MFSD11: variants seen among roughly 807,000 people sequenced by gnomAD.
MFSD11 encodes major facilitator superfamily domain containing 11, also known as UNC93-like protein MFSD11.
In MFSD11, 36 loss-of-function variants were observed where a neutral mutation model predicts 53.5. The observed-to-expected ratio is 0.67, with a 90% CI of 0.52 to 0.89. The LOEUF (loss-of-function observed/expected upper bound fraction) is 0.89, where lower values mean the gene tolerates loss of function less well. Among genes scored for constraint, MFSD11 ranks in the 40% least tolerant of loss-of-function variants. MFSD11 has a pLI of 0.00. For synonymous variants in MFSD11, 186 were observed against 184.9 expected (o/e 1.01, Z -0.05); for missense variants, 530 against 543.9 (o/e 0.97, Z 0.25).
the MFSD11 span, among the ~76,000 whole-genome samples, chr17:76,802,591 A>C: frequency 6.6e-6 from 1 of 152,320 alleles, no homozygotes; most frequent in African/African-American, 2.4e-5. Context: ...TTATCCGTAC[A>C]GTGGAGGGCT....
Position 76,744,453 on chromosome 17 carries a change from A to T in MFSD11, c.628A>T (p.Met210Leu). 1.2e-6 allele frequency: 2 copies of T among 1,608,902 alleles called. No individual in the cohort carries two copies. The highest frequency in any genetic ancestry group is 1.7e-6 in the Non-Finnish European group (2 of 1,178,684). ...GEDESSDDQDMEVNESAQNNL... is the reference protein window; with the variant it reads ...GEDESSDDQDLEVNESAQNNL... ...AGATGAGTCTTCTGATGACCAGGAC[A>T]TGGAAGTCAACGAGTAAGATGTTGG... The change falls in exon 7 of 13, where the codon ATG becomes TTG. Residue 210 changes from methionine to leucine, a missense_variant. Coordinates refer to ENST00000685175, the MANE Select transcript of MFSD11 (RefSeq NM_001242532.5).
At chr17:76,801,113 C>T in the MFSD11 span, among the ~76,000 whole-genome samples, 27 of 151,320 alleles carry the variant, frequency 1.8e-4, no homozygotes, top group Admixed American at 3.9e-4. Flanking sequence ...CTACTCCAGC[C>T]GGGTGTGGTG....
At chr17:76,737,095 G>A (rs2077541354), upstream of MFSD11, 1 of 1,611,520 alleles carries the variant, frequency 6.2e-7, no homozygotes, top group African/African-American at 1.3e-5. Context: ...AGGTGCGGTA[G>A]GTCAGGTTGT....
chr17:76,773,661 G>A (rs369164957), intron 10 of MFSD11, among the ~76,000 whole-genome samples: 1 of 152,128 alleles, frequency 6.6e-6, no homozygotes, highest in African/African-American at 2.4e-5. Context: ...CAGGCGGAGT[G>A]CAGTGGCGCA....
intron 8 of MFSD11, among the ~76,000 whole-genome samples, chr17:76,763,870 GT>G (rs574436628): frequency 4.2e-5 from 6 of 144,218 alleles, no homozygotes; most frequent in East Asian, 2.0e-4. Flanking sequence ...TTTTGTTTTT[GT>G]TTTTTTTTTG....
chr17:76,770,070 C>A (rs1204939240), intron 10 of MFSD11, among the ~76,000 whole-genome samples, 199 bp downstream of exon 10: 1 of 139,446 alleles, frequency 7.2e-6, no homozygotes, highest in Non-Finnish European at 1.5e-5. Flanking sequence ...CTCGCTCTGT[C>A]GCCGAGGCTA....
chr17:76,738,431 AC>A lies in MFSD11; in HGVS notation c.80del (p.Thr27IlefsTer13). On this transcript the variant is annotated frameshift_variant, in exon 1 of 13. Coordinates refer to ENST00000685175, the MANE Select transcript of MFSD11 (RefSeq NM_001242532.5). LOFTEE classifies it high-confidence loss of function. Reference protein sequence around the residue: ...AFMFMFTAFQTCGNVAQTVIR... With the variant: ...AFMFMFTAFQXCGNVAQTVIR... ...TATGTTTATGTTCACTGCCTTTCAAACTTGTGGAAATGTGGCGGTGAGTTGG... is the reference window on the plus strand; with the variant it reads ...TATGTTTATGTTCACTGCCTTTCAAATTGTGGAAATGTGGCGGTGAGTTGG... 1 of 1,613,716 alleles carries A rather than the reference AC, an allele frequency of 6.2e-7. No individual in the cohort carries two copies. The highest frequency in any genetic ancestry group is 8.5e-7 in the Non-Finnish European group (1 of 1,179,630).
At chr17:76,796,811 CAAAA>C in the MFSD11 span, among the ~76,000 whole-genome samples, 9 of 114,308 alleles carry the variant, frequency 7.9e-5, no homozygotes, top group African/African-American at 3.0e-4. Flanking sequence ...CTAAAAATAC[CAAAA>C]AAAAAAAAAA....
At position 76,778,176 on chromosome 17, in the gene MFSD11, G is replaced by A. The variant is rs116489973; in HGVS notation, c.1186-12G>A. On this transcript the variant is annotated splice_polypyrimidine_tract_variant and intron_variant, in intron 12 of 12. Coordinates refer to ENST00000685175, the MANE Select transcript of MFSD11 (RefSeq NM_001242532.5). ...CGGTGCGCCCGTTGTGATTTGTTTTGTTTGTTCTTAGTCTATTTGCGCAGC... is the reference window on the plus strand; with the variant it reads ...CGGTGCGCCCGTTGTGATTTGTTTTATTTGTTCTTAGTCTATTTGCGCAGC... 1,151 of 1,613,986 alleles carry A rather than the reference G, an allele frequency of 7.1e-4. 5 individuals are homozygous for A. The African/African-American group carries it at 0.014, about 20-fold the overall frequency.
the MFSD11 span, among the ~76,000 whole-genome samples, chr17:76,794,471 C>T: frequency 2.1e-3 from 133 of 64,226 alleles, 1 homozygote; most frequent in South Asian, 0.025. Context: ...AGCGAGACTC[C>T]GTCTCAAAGA....
chr17:76,744,570 T>G, intron 7 of MFSD11, 104 bp downstream of exon 7: 1 of 968,820 alleles, frequency 1.0e-6, no homozygotes, highest in Non-Finnish European at 1.5e-6. Flanking sequence ...CAGTACTCTC[T>G]GTAGGTTACC....
intron 7 of MFSD11, among the ~76,000 whole-genome samples, chr17:76,753,700 AAAAGAAAG>A (rs57390338): frequency 1.3e-5 from 2 of 150,536 alleles, no homozygotes; most frequent in South Asian, 2.1e-4. Context: ...AAAAAAAAAA[AAAAGAAAG>A]AAAGAAAGAA....
Position 76,754,107 on chromosome 17 carries a change from G to A in MFSD11, c.682+20G>A, listed in dbSNP as rs775822304. 1.3e-6 allele frequency: 2 copies of A among 1,597,228 alleles called. No homozygotes were observed. The highest frequency in any genetic ancestry group is 1.7e-6 in the Non-Finnish European group (2 of 1,171,604). ...CTTTTAGTAAGTATTTTCTGTATCT[G>A]AAATGCAAGAACTGTTCAGGAACAA... On this transcript the variant is annotated intron_variant, in intron 8 of 12. Transcript: ENST00000685175.
rs1298092886 is a variant in MFSD11, at chr17:76,778,535, G to A, written c.*183G>A. On this transcript the variant is annotated 3_prime_UTR_variant, in exon 13 of 13. Transcript: ENST00000685175. ...AGTTTACAGATATGAGTTATTTAAAGCAAGTAGAATAAGGGAAAGCTGTTC... is the reference window on the plus strand; with the variant it reads ...AGTTTACAGATATGAGTTATTTAAAACAAGTAGAATAAGGGAAAGCTGTTC... 1 of 545,954 alleles carries A rather than the reference G, an allele frequency of 1.8e-6. No homozygotes were observed. The highest frequency in any genetic ancestry group is 3.2e-6 in the Non-Finnish European group (1 of 313,744). 33.8% of individuals were successfully genotyped at this position (545,954 alleles called of 1,614,324 possible). A position where few individuals can be genotyped will look rare whatever the true frequency, so the allele number is the denominator to read the frequency against.
At chr17:76,753,248 C>A (rs2079223531) in intron 7 of MFSD11, among the ~76,000 whole-genome samples, 1 of 149,958 alleles carries the variant, frequency 6.7e-6, no homozygotes, top group South Asian at 2.1e-4. Flanking sequence ...TTCATGATAC[C>A]ACATCCAAAG....
chr17:76,789,504 G>T, the MFSD11 span, among the ~76,000 whole-genome samples: 7 of 150,102 alleles, frequency 4.7e-5, no homozygotes, highest in East Asian at 1.4e-3. Context: ...TGTTTGAACC[G>T]ACTCGCCTAG....
At chr17:76,774,934 C>T in intron 10 of MFSD11, 63 bp from the exon 11 acceptor site, 1 of 1,532,742 alleles carries the variant, frequency 6.5e-7, no homozygotes, top group Non-Finnish European at 8.8e-7. Flanking sequence ...TTGGTGGTAA[C>T]TCAGGCCTGG....
chr17:76,778,164 G>A, intron 12 of MFSD11, 24 bp from the exon 13 acceptor site: 1 of 1,613,652 alleles, frequency 6.2e-7, no homozygotes, highest in South Asian at 1.1e-5. Context: ...TGCGCCCGTT[G>A]TGATTTGTTT....
At chr17:76,799,096 A>G in the MFSD11 span, 1 of 151,926 alleles carries the variant, frequency 6.6e-6, no homozygotes, top group Non-Finnish European at 1.5e-5. Flanking sequence ...TAGACACAGA[A>G]GGAATCTTGG....
Sources: gnomAD v4.1 joint callset for allele counts (sites outside exome capture counted in the v4.1 genomes callset) on GRCh38, gnomAD v4.1.1 for gene constraint, MANE v1.5 for transcripts, NCBI Gene and HGNC (gene_info 2026-07-23, HGNC 2026-07-21) for gene names.